STK4: variants seen among roughly 807,000 people sequenced by gnomAD.
The protein encoded by STK4 is serine/threonine-protein kinase 4.
Under a neutral mutation model 64.9 loss-of-function variants are expected in STK4, and 30 were observed. The ratio of observed to expected loss-of-function variants is 0.46; its 90% CI spans 0.35 to 0.63. The LOEUF (loss-of-function observed/expected upper bound fraction) is 0.63. STK4 is among the 20% of genes least tolerant of loss of function. The probability of loss-of-function intolerance (pLI) is 0.01; values close to 1 mark genes in which losing one functional copy is unlikely to be tolerated. For synonymous variants in STK4, 177 were observed against 199.0 expected, an observed-to-expected ratio of 0.89 and a Z score of 0.93; for missense variants, 466 against 598.5, an observed-to-expected ratio of 0.78 and a Z score of 2.31.
At chr20:45,038,618 TG>T (rs1314545751) in intron 10 of STK4, among the ~76,000 whole-genome samples, 1 of 152,046 alleles carries the variant, frequency 6.6e-6, no homozygotes, top group Non-Finnish European at 1.5e-5. Flanking sequence ...TGCATCTAAG[TG>T]GTCTTATTTA....
intron 9 of STK4, among the ~76,000 whole-genome samples, chr20:45,002,078 A>G (rs938838282): frequency 4.6e-5 from 7 of 152,180 alleles, no homozygotes; most frequent in Admixed American, 3.9e-4. Context: ...CTCCTGTTTT[A>G]AAAGTAGCCA....
chr20:44,983,012 C>T (rs953738803), intron 4 of STK4, among the ~76,000 whole-genome samples: 1 of 152,086 alleles, frequency 6.6e-6, no homozygotes, highest in African/African-American at 2.4e-5. Context: ...CAGGAAGACT[C>T]AAATGACGAA....
chr20:45,045,358 C>A (rs933760270), intron 10 of STK4, among the ~76,000 whole-genome samples: 2 of 152,140 alleles, frequency 1.3e-5, no homozygotes, highest in African/African-American at 4.8e-5. Flanking sequence ...TACTTGGTGC[C>A]AGAATCAGGT....
chr20:44,982,406 A>G (rs2067458322), intron 4 of STK4, among the ~76,000 whole-genome samples: 1 of 151,662 alleles, frequency 6.6e-6, no homozygotes, highest in Admixed American at 6.6e-5. Context: ...AAGTGCTGGG[A>G]TTACAAGTAT....
chr20:45,073,514 C>T (rs1197990763), intron 10 of STK4, among the ~76,000 whole-genome samples: 1 of 152,144 alleles, frequency 6.6e-6, no homozygotes, highest in East Asian at 1.9e-4. Flanking sequence ...AGCTCCTATA[C>T]TACTTTCCTG....
chr20:45,031,172 G>A (rs905078945), intron 10 of STK4, among the ~76,000 whole-genome samples: 8 of 124,664 alleles, frequency 6.4e-5, no homozygotes, highest in Admixed American at 5.2e-4. Flanking sequence ...TAATAATAGC[G>A]AATTTTTTTT....
chr20:45,001,088 T>C (rs960779037), intron 8 of STK4, 79 bp from the exon 9 acceptor site: 5 of 1,432,946 alleles, frequency 3.5e-6, no homozygotes, highest in Non-Finnish European at 4.7e-6. Context: ...ATATTTTCAC[T>C]AAGACAGGTA....
At chr20:45,017,710 T>A (rs2068167656) in intron 9 of STK4, among the ~76,000 whole-genome samples, 2 of 152,242 alleles carry the variant, frequency 1.3e-5, no homozygotes, top group Admixed American at 1.3e-4. Context: ...AGAACCAAGA[T>A]GTGGACCATT....
At chr20:44,995,281 G>T in intron 6 of STK4, 24 bp downstream of exon 6, 1 of 1,595,432 alleles carries the variant, frequency 6.3e-7, no homozygotes, top group Admixed American at 1.7e-5. Flanking sequence ...CAGAAAGCCA[G>T]TGGGGTGGTT....
At chr20:45,000,332 A>G (rs2145695046) in intron 7 of STK4, 60 bp from the exon 8 acceptor site, 31 of 1,561,896 alleles carry the variant, frequency 2.0e-5, no homozygotes, top group Middle Eastern at 3.6e-4. Context: ...TGTTCCAGGT[A>G]CTGTTTTGGC....
In STK4 at chr20:45,075,014, C is replaced by T. The variant is rs1980399682; in HGVS notation, c.1306-4C>T. 1.2e-6 allele frequency: 2 copies of T among 1,614,166 alleles called. No individual in the cohort carries two copies. The highest frequency in any genetic ancestry group is 1.3e-5 in the African/African-American group (1 of 75,050). On this transcript the variant is annotated splice_polypyrimidine_tract_variant and splice_region_variant and intron_variant, in intron 10 of 10. Coordinates refer to ENST00000372806, the MANE Select transcript of STK4 (RefSeq NM_006282.5). ...CGTGACTATACCTTCCACTTCTCTT[C>T]TAGCTTAAGAGTTGGACAGTGGAGG...
At chr20:44,969,046 TA>T (rs2145623844) in intron 1 of STK4, among the ~76,000 whole-genome samples, 2 of 152,256 alleles carry the variant, frequency 1.3e-5, no homozygotes, top group African/African-American at 4.8e-5. Context: ...CTTCCTTCTG[TA>T]CCTGTCAGTG....
intron 10 of STK4, among the ~76,000 whole-genome samples, chr20:45,067,462 G>A (rs1979676302): frequency 6.6e-6 from 1 of 152,328 alleles, no homozygotes; most frequent in South Asian, 2.1e-4. Context: ...GACTTTTGAG[G>A]TGAGAGTTTG....
At chr20:45,009,096 A>G (rs1317935321) in intron 9 of STK4, among the ~76,000 whole-genome samples, 1 of 152,188 alleles carries the variant, frequency 6.6e-6, no homozygotes, top group Admixed American at 6.5e-5. Flanking sequence ...GGACTTGGCC[A>G]AAAACTTTCT....
chr20:45,029,251 TTCTTC>T (rs1479751592), intron 10 of STK4, among the ~76,000 whole-genome samples: 3 of 152,176 alleles, frequency 2.0e-5, no homozygotes, highest in Non-Finnish European at 4.4e-5. Flanking sequence ...ACCTCTCTAA[TTCTTC>T]ACACTATTTG....
At chr20:44,995,532 A>T (rs551638064) in intron 6 of STK4, among the ~76,000 whole-genome samples, 2 of 145,976 alleles carry the variant, frequency 1.4e-5, no homozygotes, top group Non-Finnish European at 3.0e-5. Context: ...CTTGAACCCC[A>T]GAGGCAGAGG....
chr20:45,031,764 G>A (rs566919145), intron 10 of STK4, among the ~76,000 whole-genome samples: 29 of 152,186 alleles, frequency 1.9e-4, no homozygotes, highest in African/African-American at 5.8e-4. Flanking sequence ...TTAGTTGGGC[G>A]TGGTGGCAGA....
rs1468237113 is a variant in STK4, at chr20:45,076,282, A to G, written c.*1106A>G. On this transcript the variant is annotated 3_prime_UTR_variant, in exon 11 of 11. Transcript: ENST00000372806. The surrounding 1 kb of genome is among the most constrained non-coding windows in gnomAD (Gnocchi z 4.0). ...CAGAATGTCAGAGCTGGAAGGGACT[A>G]TAGAGATCATCTGATCTGATCCTCT... The G allele has an allele frequency of 2.0e-5, 3 of 152,238 alleles. No individual in the cohort carries two copies. The highest frequency in any genetic ancestry group is 4.4e-5 in the Non-Finnish European group (3 of 68,056). 9.4% of individuals were successfully genotyped at this position (152,238 alleles called of 1,614,324 possible). A position where few individuals can be genotyped will look rare whatever the true frequency, so the allele number is the denominator to read the frequency against.
intron 9 of STK4, among the ~76,000 whole-genome samples, chr20:45,011,296 G>A (rs1053408150): frequency 2.6e-5 from 4 of 152,052 alleles, no homozygotes; most frequent in Non-Finnish European, 4.4e-5. Context: ...TTAAGTTAAT[G>A]GGTTATAATC....
Sources: gnomAD v4.1 joint callset for allele counts (sites outside exome capture counted in the v4.1 genomes callset) on GRCh38, gnomAD v4.1.1 for gene constraint, Gnocchi (gnomAD v3.1) non-coding constraint, MANE v1.5 for transcripts, NCBI Gene and HGNC (gene_info 2026-07-23, HGNC 2026-07-21) for gene names.